The following GNG12 variants were observed in gnomAD, a reference collection of about 807,000 sequenced individuals.
The protein encoded by GNG12 is guanine nucleotide-binding protein G(I)/G(S)/G(O) subunit gamma-12.
For missense variants in GNG12, 69 were observed against 83.8 expected, an observed-to-expected ratio of 0.82 and a Z score of 0.69; for synonymous variants, 28 against 29.7, an observed-to-expected ratio of 0.94 and a Z score of 0.19.
intron 1 of GNG12, among the ~76,000 whole-genome samples, chr1:67,827,483 T>C (rs1296073025): frequency 6.6e-6 from 1 of 151,914 alleles, no homozygotes; most frequent in Non-Finnish European, 1.5e-5. Context: ...TTGAGTACAG[T>C]GGCACGATCT....
chr1:67,767,547 CT>C (rs945490562), intron 2 of GNG12, among the ~76,000 whole-genome samples: 2 of 152,166 alleles, frequency 1.3e-5, no homozygotes, highest in African/African-American at 2.4e-5. Context: ...TTATGCAACC[CT>C]CCTTCCAGAC....
At chr1:67,790,764 C>T (rs1469794980) in intron 1 of GNG12, among the ~76,000 whole-genome samples, 2 of 152,054 alleles carry the variant, frequency 1.3e-5, no homozygotes, top group Non-Finnish European at 2.9e-5. Context: ...CGTGTGCCGC[C>T]ACCACCACGT....
At chr1:67,756,376 C>T (rs957933089) in intron 2 of GNG12, among the ~76,000 whole-genome samples, 1 of 152,184 alleles carries the variant, frequency 6.6e-6, no homozygotes, top group African/African-American at 2.4e-5. Context: ...TCAGCAAGGC[C>T]AGTTGAGGGG....
chr1:67,797,236 T>G (rs1242031633), intron 1 of GNG12, among the ~76,000 whole-genome samples: 1 of 152,184 alleles, frequency 6.6e-6, no homozygotes, highest in Non-Finnish European at 1.5e-5. Context: ...AGTTAAAAAT[T>G]AAGTGATAAA....
At chr1:67,799,734 T>C (rs994434086) in intron 1 of GNG12, among the ~76,000 whole-genome samples, 1 of 152,228 alleles carries the variant, frequency 6.6e-6, no homozygotes, top group Non-Finnish European at 1.5e-5. Context: ...TCCATTAAAA[T>C]ATAATAGTAA....
intron 2 of GNG12, among the ~76,000 whole-genome samples, chr1:67,776,310 G>C (rs570165138): frequency 6.6e-6 from 1 of 152,282 alleles, no homozygotes; most frequent in South Asian, 2.1e-4. Flanking sequence ...CACCACAGCT[G>C]TTTCCATGTG....
intron 1 of GNG12, among the ~76,000 whole-genome samples, chr1:67,831,792 C>CA (rs1216897215): frequency 6.6e-6 from 1 of 152,106 alleles, no homozygotes; most frequent in Non-Finnish European, 1.5e-5. Context: ...GTTAAAAAAA[C>CA]AAAAACAAAA....
intron 2 of GNG12, among the ~76,000 whole-genome samples, chr1:67,727,565 A>G (rs1646393917): frequency 6.6e-6 from 1 of 152,210 alleles, no homozygotes; most frequent in Admixed American, 6.5e-5. Context: ...ATGTGCCTTC[A>G]TGAGCTGGAG....
rs59348663 is a variant in GNG12, at chr1:67,766,106, G to GCACACACACACACACACACACA, written c.-27+11330_-27+11351dup. ...AACTCAAACAAAACAAGGCACACAC[G>GCACACACACACACACACACACA]CACACACACACACACACACACACAC... On this transcript the variant is annotated intron_variant, in intron 2 of 3. Transcript: ENST00000370982. Among the ~76,000 whole-genome samples, 270 of 139,904 alleles carry GCACACACACACACACACACACA rather than the reference G, an allele frequency of 1.9e-3. 1 individual carries two copies. The highest frequency in any genetic ancestry group is 7.0e-3 in the African/African-American group (257 of 36,822). 91.8% of individuals were successfully genotyped at this position (139,904 alleles called of 152,430 possible).
At chr1:67,708,148 T>C (rs1646260943) in intron 2 of GNG12, among the ~76,000 whole-genome samples, 1 of 152,260 alleles carries the variant, frequency 6.6e-6, no homozygotes, top group Non-Finnish European at 1.5e-5. Context: ...TTTTGGGCTC[T>C]TGCCCCCAAC....
At chr1:67,770,585 C>A (rs1051451942) in intron 2 of GNG12, among the ~76,000 whole-genome samples, 1 of 152,020 alleles carries the variant, frequency 6.6e-6, no homozygotes, top group South Asian at 2.1e-4. Context: ...GAGAGTCCGA[C>A]TGGAAACCAG....
At chr1:67,784,523 A>G (rs1243164835) in intron 1 of GNG12, among the ~76,000 whole-genome samples, 3 of 152,056 alleles carry the variant, frequency 2.0e-5, no homozygotes, top group Admixed American at 6.6e-5. Context: ...CTATTAAAAA[A>G]AAAGACTTTT....
chr1:67,823,969 T>TGG (rs1444771121), intron 1 of GNG12, among the ~76,000 whole-genome samples: 1 of 152,144 alleles, frequency 6.6e-6, no homozygotes, highest in Non-Finnish European at 1.5e-5. Flanking sequence ...TGTGTGTGTG[T>TGG]GAGAAAGAGA....
intron 1 of GNG12, among the ~76,000 whole-genome samples, chr1:67,825,844 C>G (rs928883651): frequency 6.6e-6 from 1 of 152,162 alleles, no homozygotes; most frequent in African/African-American, 2.4e-5. Context: ...AAGTATTAGG[C>G]AATACTGAGC....
chr1:67,783,118 G>C (rs1484185292), intron 1 of GNG12, among the ~76,000 whole-genome samples: 1 of 152,140 alleles, frequency 6.6e-6, no homozygotes, highest in Non-Finnish European at 1.5e-5. Context: ...AGTGCCACTA[G>C]GACGAACTCC....
At chr1:67,805,685 C>G (rs2100802435) in intron 1 of GNG12, among the ~76,000 whole-genome samples, 1 of 151,970 alleles carries the variant, frequency 6.6e-6, no homozygotes, top group South Asian at 2.1e-4. Flanking sequence ...GTGTAACATA[C>G]ATGTAACAAG....
chr1:67,788,627 C>G (rs1272817983), intron 1 of GNG12, among the ~76,000 whole-genome samples: 2 of 152,136 alleles, frequency 1.3e-5, no homozygotes, highest in Non-Finnish European at 1.5e-5. Flanking sequence ...AGGCATGAAC[C>G]ACTGTGCCTG....
chr1:67,718,410 A>C (rs1276916644), intron 2 of GNG12, among the ~76,000 whole-genome samples: 1 of 152,188 alleles, frequency 6.6e-6, no homozygotes, highest in Admixed American at 6.5e-5. Context: ...GAAAAAACTG[A>C]TATGTAATCA....
In GNG12 at chr1:67,705,656, T is replaced by C. The variant is rs370289695; in HGVS notation, c.94-80A>G. ...TTCAGAGCGTATTTGAATGCTAGGC[T>C]ATTGAATGGAAGACTGATTTGAACA... On this transcript the variant is annotated intron_variant, in intron 3 of 3. Coordinates refer to ENST00000370982, the MANE Select transcript of GNG12 (RefSeq NM_018841.6). The C allele has an allele frequency of 9.9e-5, 148 of 1,496,022 alleles. No individual in the cohort carries two copies. The African/African-American group carries it at 1.9e-3, about 19-fold the overall frequency. The allele number at this position is 1,496,022 out of a possible 1,614,324, so 92.7% of individuals were successfully genotyped here. A position where few individuals can be genotyped will look rare whatever the true frequency, so the allele number is the denominator to read the frequency against.
Sources: gnomAD v4.1 joint callset for allele counts (sites outside exome capture counted in the v4.1 genomes callset) on GRCh38, gnomAD v4.1.1 for gene constraint, MANE v1.5 for transcripts, NCBI Gene and HGNC (gene_info 2026-07-23, HGNC 2026-07-21) for gene names.